Variants in AKAP8 observed in about 807,000 individuals in gnomAD.
The protein encoded by AKAP8 is A-kinase anchoring protein 8, also known as A-kinase anchor protein 8.
A neutral mutation model predicts 67.5 loss-of-function variants in AKAP8; 24 were observed. The ratio of observed to expected loss-of-function variants is 0.36; its 90% CI spans 0.26 to 0.50. The LOEUF (loss-of-function observed/expected upper bound fraction) is 0.50. Among genes scored for constraint, AKAP8 ranks in the 20% least tolerant of loss-of-function variants. The probability of loss-of-function intolerance (pLI) is 0.97; values close to 1 mark genes in which losing one functional copy is unlikely to be tolerated. For synonymous variants in AKAP8, 400 were observed against 371.1 expected (o/e 1.08, Z -0.90); for missense variants, 971 against 955.9 (o/e 1.02, Z -0.21).
At chr19:15,362,820 TC>T in intron 9 of AKAP8, among the ~76,000 whole-genome samples, 1 of 134,096 alleles carries the variant, frequency 7.5e-6, no homozygotes, top group South Asian at 2.5e-4. Flanking sequence ...TGGCCGCCCA[TC>T]GTCTGGGATG....
intron 9 of AKAP8, among the ~76,000 whole-genome samples, chr19:15,367,415 CT>C (rs1275804080): frequency 6.6e-6 from 1 of 152,128 alleles, no homozygotes; most frequent in Non-Finnish European, 1.5e-5. Flanking sequence ...GTAATCCCAG[CT>C]ACTCGGGAGG....
chr19:15,372,156 G>A (rs568948754), intron 6 of AKAP8, 62 bp downstream of exon 6: 1 of 1,609,008 alleles, frequency 6.2e-7, no homozygotes, highest in East Asian at 2.2e-5. Context: ...GGCAAGCAGA[G>A]CCCCCAGCAG....
chr19:15,357,708 C>CTTT (rs869102920), intron 13 of AKAP8, among the ~76,000 whole-genome samples: 154 of 120,942 alleles, frequency 1.3e-3, no homozygotes, highest in Non-Finnish European at 1.6e-3. Context: ...TTTCCTCCCT[C>CTTT]TTTTTTTTTT....
chr19:15,366,251 C>T (rs949378223), intron 9 of AKAP8, among the ~76,000 whole-genome samples: 3 of 149,946 alleles, frequency 2.0e-5, no homozygotes, highest in African/African-American at 7.3e-5. Flanking sequence ...TCTCTTGAGG[C>T]TAGTTCAACA....
At chr19:15,358,724 A>G (rs554316872) in intron 13 of AKAP8, among the ~76,000 whole-genome samples, 2 of 152,232 alleles carry the variant, frequency 1.3e-5, no homozygotes, top group African/African-American at 4.8e-5. Flanking sequence ...AGGATTTTTC[A>G]TGGTAAAAAT....
At chr19:15,361,456 T>C (rs1966964707) in intron 11 of AKAP8, 1 of 338,290 alleles carries the variant, frequency 3.0e-6, no homozygotes, top group Non-Finnish European at 5.6e-6. Flanking sequence ...GTTGACACCA[T>C]TCTCCTGCCT....
At chr19:15,376,668 G>C (rs1399906870) in intron 2 of AKAP8, among the ~76,000 whole-genome samples, 1 of 152,120 alleles carries the variant, frequency 6.6e-6, no homozygotes, top group East Asian at 1.9e-4. Flanking sequence ...TATTTACTCA[G>C]AATAACAAAA....
At chr19:15,375,908 G>A (rs185818242) in intron 2 of AKAP8, among the ~76,000 whole-genome samples, 8,625 of 151,678 alleles carry the variant, frequency 0.057, 373 homozygotes, top group Admixed American at 0.1. Context: ...AAAATGCTGG[G>A]ATTACAGGCG....
chr19:15,362,559 T>C (rs1159921001), intron 9 of AKAP8, among the ~76,000 whole-genome samples: 1 of 151,886 alleles, frequency 6.6e-6, no homozygotes, highest in Admixed American at 6.6e-5. Context: ...GGGGTTTCGC[T>C]GTGTTGGCCG....
At chr19:15,374,158 G>A (rs1568254263) in intron 3 of AKAP8, 93 bp from the exon 4 acceptor site, 1 of 1,415,186 alleles carries the variant, frequency 7.1e-7, no homozygotes, top group Non-Finnish European at 9.5e-7. Context: ...CTGCCACGGA[G>A]AAGGAAAACG....
chr19:15,368,058 C>G (rs1967096760), intron 9 of AKAP8, among the ~76,000 whole-genome samples, 177 bp downstream of exon 9: 1 of 152,238 alleles, frequency 6.6e-6, no homozygotes. Context: ...GTGCTGGGAG[C>G]ACGAGTGATG....
At chr19:15,376,686 G>A (rs1333669181) in intron 2 of AKAP8, among the ~76,000 whole-genome samples, 2 of 152,112 alleles carry the variant, frequency 1.3e-5, no homozygotes, top group African/African-American at 4.8e-5. Context: ...AAAATATTTT[G>A]CCAAAATAGA....
chr19:15,374,200 C>T (rs1426761941), intron 3 of AKAP8, 135 bp from the exon 4 acceptor site: 26 of 1,076,800 alleles, frequency 2.4e-5, no homozygotes, highest in Non-Finnish European at 3.4e-5. Context: ...GGCATCACTT[C>T]ACACTGCACT....
chr19:15,374,466 A>G, intron 3 of AKAP8, 137 bp downstream of exon 3: 1 of 1,063,276 alleles, frequency 9.4e-7, no homozygotes, highest in Non-Finnish European at 1.3e-6. Flanking sequence ...TATACACAAC[A>G]GCAGCCGTGG....
At chr19:15,356,472 T>C (rs983589005) in intron 13 of AKAP8, among the ~76,000 whole-genome samples, 1 of 151,318 alleles carries the variant, frequency 6.6e-6, no homozygotes, top group African/African-American at 2.4e-5. Flanking sequence ...CTACGTAATA[T>C]TTTAGTTTCA....
At chr19:15,358,861 A>T in intron 13 of AKAP8, 106 bp downstream of exon 13, 1 of 1,037,360 alleles carries the variant, frequency 9.6e-7, no homozygotes, top group Non-Finnish European at 1.5e-6. Context: ...AACTGTCAAA[A>T]GACTCAGAAA....
intron 13 of AKAP8, among the ~76,000 whole-genome samples, 187 bp from the exon 14 acceptor site, chr19:15,355,557 T>C (rs1218197243): frequency 9.3e-6 from 1 of 107,398 alleles, no homozygotes; most frequent in Non-Finnish European, 2.0e-5. Flanking sequence ...GGAGATATTC[T>C]GCAATTTTTT....
chr19:15,376,975 C>T lies in AKAP8; in HGVS notation c.58+1G>A. ...TCACCCGCAAAGCAGAGCCCACTTACCCTGGGTGTTGGCAGGTCCAGCACT... is the reference window on the plus strand; with the variant it reads ...TCACCCGCAAAGCAGAGCCCACTTATCCTGGGTGTTGGCAGGTCCAGCACT... On this transcript the variant is annotated splice_donor_variant, in intron 2 of 13. Transcript: ENST00000269701. LOFTEE classifies it high-confidence loss of function. 4 of 1,612,576 alleles carry T rather than the reference C, an allele frequency of 2.5e-6. No individual in the cohort carries two copies. Among genetic ancestry groups the T allele is most frequent in the Non-Finnish European group, 3.4e-6 (4 of 1,179,394 alleles).
rs1024541828 is a variant in AKAP8, at chr19:15,354,563, T to A, written c.*352A>T. The A allele has an allele frequency of 4.2e-5, 10 of 235,336 alleles. No individual in the cohort carries two copies. Among genetic ancestry groups the A allele is most frequent in the South Asian group, 8.8e-5 (1 of 11,418 alleles). 14.6% of individuals were successfully genotyped at this position (235,336 alleles called of 1,614,324 possible). A position where few individuals can be genotyped will look rare whatever the true frequency, so the allele number is the denominator to read the frequency against. On this transcript the variant is annotated 3_prime_UTR_variant, in exon 14 of 14. Coordinates refer to ENST00000269701, the MANE Select transcript of AKAP8 (RefSeq NM_005858.4). Reference sequence around the variant, plus strand: ...GTTCCCAACCAAATAAAAAAAAAAATTAAGGAAAAAAATAAAAAAGGAAGC... The same window carrying A: ...GTTCCCAACCAAATAAAAAAAAAAAATAAGGAAAAAAATAAAAAAGGAAGC...
Sources: gnomAD v4.1 joint callset for allele counts (sites outside exome capture counted in the v4.1 genomes callset) on GRCh38, gnomAD v4.1.1 for gene constraint, MANE v1.5 for transcripts, NCBI Gene and HGNC (gene_info 2026-07-23, HGNC 2026-07-21) for gene names.